Variants in DENND1A observed in about 807,000 individuals in gnomAD.
DENND1A encodes the protein DENN domain containing 1A.
In DENND1A, 51 loss-of-function variants were observed where a neutral mutation model predicts 113.7. The ratio of observed to expected loss-of-function variants is 0.45; its 90% CI spans 0.36 to 0.57. The LOEUF (loss-of-function observed/expected upper bound fraction) is 0.57. Ranked by LOEUF, DENND1A falls within the 20% of genes least tolerant of loss-of-function variation. The pLI, the probability that DENND1A is intolerant of heterozygous loss-of-function variation, is 0.00. For missense variants in DENND1A, 1,258 were observed against 1,395.9 expected (o/e 0.90, Z 1.57); for synonymous variants, 565 against 570.8 (o/e 0.99, Z 0.14).
chr9:123,872,475 G>C (rs1846795810), intron 2 of DENND1A, among the ~76,000 whole-genome samples: 1 of 152,030 alleles, frequency 6.6e-6, no homozygotes, highest in Non-Finnish European at 1.5e-5. Context: ...AACACATATA[G>C]CTGAGAGTTC....
chr9:123,522,961 G>T (rs1012930075), intron 13 of DENND1A, among the ~76,000 whole-genome samples: 2 of 152,216 alleles, frequency 1.3e-5, no homozygotes, highest in African/African-American at 4.8e-5. Context: ...GAATACAGAC[G>T]TGAATAAGAA....
At chr9:123,609,596 C>A in intron 10 of DENND1A, 115 bp from the exon 11 acceptor site, 2 of 1,153,358 alleles carry the variant, frequency 1.7e-6, no homozygotes, top group Non-Finnish European at 2.4e-6. Context: ...TGCATAGTTA[C>A]ATTTCCTTTC....
chr9:123,538,369 A>G (rs2055956434), intron 13 of DENND1A, among the ~76,000 whole-genome samples: 1 of 152,204 alleles, frequency 6.6e-6, no homozygotes, highest in African/African-American at 2.4e-5. Flanking sequence ...AAGGCCTAGA[A>G]ACAATGGCCA....
At chr9:123,735,967 T>G (rs1186042877) in intron 5 of DENND1A, among the ~76,000 whole-genome samples, 1 of 152,144 alleles carries the variant, frequency 6.6e-6, no homozygotes, top group Non-Finnish European at 1.5e-5. Context: ...CCACTGCCAC[T>G]GCACTCCATC....
intron 12 of DENND1A, among the ~76,000 whole-genome samples, chr9:123,580,093 C>T (rs80220692): frequency 1.4e-3 from 210 of 152,314 alleles, no homozygotes; most frequent in Middle Eastern, 6.8e-3. Flanking sequence ...TTCTTGAATG[C>T]TGACAACATG....
chr9:123,445,180 G>A (rs1260694952), intron 18 of DENND1A, among the ~76,000 whole-genome samples: 1 of 152,220 alleles, frequency 6.6e-6, no homozygotes, highest in Non-Finnish European at 1.5e-5. Flanking sequence ...TGAGAAATCG[G>A]GGAGGTAAGG....
chr9:123,864,094 A>G (rs1316774770), intron 2 of DENND1A, among the ~76,000 whole-genome samples: 1 of 152,140 alleles, frequency 6.6e-6, no homozygotes, highest in Non-Finnish European at 1.5e-5. Context: ...CAAGAAGCTA[A>G]AAGAGTGGAA....
chr9:123,702,142 T>C (rs1470599706), intron 5 of DENND1A, among the ~76,000 whole-genome samples: 4 of 150,258 alleles, frequency 2.7e-5, no homozygotes, highest in Non-Finnish European at 5.9e-5. Context: ...AGTTGAAAAA[T>C]ACAAAAATAA....
At chr9:123,729,785 G>C (rs770666683) in intron 5 of DENND1A, among the ~76,000 whole-genome samples, 4 of 152,150 alleles carry the variant, frequency 2.6e-5, no homozygotes, top group Non-Finnish European at 5.9e-5. Flanking sequence ...AACCAAAAAA[G>C]AGCCTGCATA....
chr9:123,612,020 T>C (rs1393709442), intron 10 of DENND1A, among the ~76,000 whole-genome samples: 1 of 152,246 alleles, frequency 6.6e-6, no homozygotes, highest in Non-Finnish European at 1.5e-5. Flanking sequence ...CCAAGTATTG[T>C]TAGAACTGCA....
Position 123,674,342 on chromosome 9 carries a change from T to TCTCTCTCACACA in DENND1A, c.372+2377_372+2378insTGTGTGAGAGAG, listed in dbSNP as rs36033303. On this transcript the variant is annotated intron_variant, in intron 6 of 23. Coordinates refer to ENST00000394215, the MANE Select transcript of DENND1A (RefSeq NM_001352964.2). ...CTCTGTCTCTGTCTCTGTCTCTCTCTCACACACACACACACACACACACAC... is the reference window on the plus strand; with the variant it reads ...CTCTGTCTCTGTCTCTGTCTCTCTCTCTCTCTCACACACACACACACACACACACACACACAC... Among the ~76,000 whole-genome samples the TCTCTCTCACACA allele has an allele frequency of 9.3e-4, 123 of 132,364 alleles. 1 individual carries two copies. The highest frequency in any genetic ancestry group is 3.4e-3 in the African/African-American group (118 of 34,924). The allele number at this position is 132,364 out of a possible 152,430, so 86.8% of individuals were successfully genotyped here.
intron 5 of DENND1A, among the ~76,000 whole-genome samples, chr9:123,700,948 C>T (rs2065849287): frequency 6.6e-6 from 1 of 152,176 alleles, no homozygotes; most frequent in Non-Finnish European, 1.5e-5. Flanking sequence ...CTTGGTATTT[C>T]ATATTTTGAT....
chr9:123,592,223 T>A (rs530348706), intron 11 of DENND1A, among the ~76,000 whole-genome samples: 4 of 152,368 alleles, frequency 2.6e-5, no homozygotes, highest in African/African-American at 9.6e-5. Context: ...GTTCTAAGAC[T>A]AAGGAATTAA....
intron 17 of DENND1A, 88 bp downstream of exon 17, chr9:123,452,188 A>G: frequency 7.8e-7 from 1 of 1,282,322 alleles, no homozygotes; most frequent in Non-Finnish European, 1.1e-6. Flanking sequence ...AGCAAGACCC[A>G]GTTTCAAAAG....
intron 21 of DENND1A, among the ~76,000 whole-genome samples, chr9:123,394,593 G>T (rs2131113254): frequency 6.6e-6 from 1 of 152,306 alleles, no homozygotes; most frequent in South Asian, 2.1e-4. Flanking sequence ...TCAGTCTGTA[G>T]GTTCACTCCT....
intron 3 of DENND1A, among the ~76,000 whole-genome samples, chr9:123,792,265 T>A (rs570971713): frequency 1.2e-4 from 18 of 152,352 alleles, no homozygotes; most frequent in Non-Finnish European, 2.4e-4. Flanking sequence ...AGCATTTTTT[T>A]AAAAAGTTCA....
At chr9:123,464,064 C>T (rs1401485397) in intron 13 of DENND1A, among the ~76,000 whole-genome samples, 1 of 151,858 alleles carries the variant, frequency 6.6e-6, no homozygotes, top group African/African-American at 2.4e-5. Flanking sequence ...GCACATGTAC[C>T]CCATAACTTA....
chr9:123,683,289 A>G (rs2064589812), intron 5 of DENND1A, among the ~76,000 whole-genome samples: 1 of 152,238 alleles, frequency 6.6e-6, no homozygotes, highest in Non-Finnish European at 1.5e-5. Context: ...AAACAAGGAT[A>G]GTAACACAAC....
intron 11 of DENND1A, among the ~76,000 whole-genome samples, chr9:123,598,729 G>T (rs1245267656): frequency 6.6e-6 from 1 of 152,082 alleles, no homozygotes; most frequent in African/African-American, 2.4e-5. Flanking sequence ...AGCTAGGGAT[G>T]GGTAGTGTGC....
Sources: allele counts gnomAD v4.1 joint callset (sites outside exome capture counted in the v4.1 genomes callset), GRCh38; gene constraint gnomAD v4.1.1; transcripts MANE v1.5; gene names NCBI Gene and HGNC (gene_info 2026-07-23, HGNC 2026-07-21).